Variants in RBFOX3 observed in about 807,000 individuals in gnomAD.
The protein encoded by RBFOX3 is RNA binding protein fox-1 homolog 3.
In RBFOX3, 17 loss-of-function variants were observed where a neutral mutation model predicts 48.7. That is an observed-to-expected ratio of 0.35 (90% CI 0.24 to 0.52). The LOEUF is 0.52. Ranked by LOEUF, RBFOX3 falls within the 20% of genes least tolerant of loss-of-function variation. RBFOX3 has a pLI of 0.94. For missense variants in RBFOX3, 382 were observed against 497.5 expected (o/e 0.77, Z 2.21); for synonymous variants, 212 against 209.5 (o/e 1.01, Z -0.10).
At chr17:79,279,322 C>T (rs930771372) in intron 3 of RBFOX3, among the ~76,000 whole-genome samples, 4 of 152,142 alleles carry the variant, frequency 2.6e-5, no homozygotes, top group African/African-American at 9.7e-5. Context: ...CTGACAGGGT[C>T]CCACAGCACC....
chr17:79,620,615 A>G, the RBFOX3 span, among the ~76,000 whole-genome samples: 2 of 129,880 alleles, frequency 1.5e-5, no homozygotes, highest in African/African-American at 3.0e-5. Flanking sequence ...ACACATGCAC[A>G]CACGCACATG....
At chr17:79,232,464 C>A (rs914789913) in intron 4 of RBFOX3, among the ~76,000 whole-genome samples, 2 of 152,118 alleles carry the variant, frequency 1.3e-5, no homozygotes, top group Non-Finnish European at 2.9e-5. Context: ...GAATATCAAA[C>A]CCAGACATAG....
intron 4 of RBFOX3, among the ~76,000 whole-genome samples, chr17:79,163,291 G>A (rs1446017183): frequency 1.3e-5 from 2 of 152,240 alleles, no homozygotes; most frequent in African/African-American, 4.8e-5. Flanking sequence ...CCTGGGGAAA[G>A]CCGCAGGCCC....
intron 2 of RBFOX3, among the ~76,000 whole-genome samples, chr17:79,346,030 C>T (rs1430119287): frequency 6.6e-6 from 1 of 152,124 alleles, no homozygotes; most frequent in Non-Finnish European, 1.5e-5. Context: ...AAGCAATTCT[C>T]CTGCCTTAGC....
At chr17:79,248,805 G>T (rs1188923749) in intron 3 of RBFOX3, among the ~76,000 whole-genome samples, 1 of 152,212 alleles carries the variant, frequency 6.6e-6, no homozygotes, top group East Asian at 1.9e-4. Flanking sequence ...GGCAGGGAGT[G>T]TTGGGTGTTG....
rs182152657 is a variant in RBFOX3, at chr17:79,188,622, C to T, written c.-34+47144G>A. On this transcript the variant is annotated intron_variant, in intron 4 of 14. Coordinates refer to ENST00000693108, the MANE Select transcript of RBFOX3 (RefSeq NM_001350451.2). ...CCTCTCCCCTCGGGGGCCCAGGAGC[C>T]GGAGGAATGCGCTCAGAGAAGGGGC... Among the ~76,000 whole-genome samples the T allele has an allele frequency of 6.4e-4, 97 of 152,314 alleles. No homozygotes were observed. In the East Asian group the frequency reaches 8.9e-3, roughly 14 times the overall value.
chr17:79,657,674 G>A, the RBFOX3 span, among the ~76,000 whole-genome samples: 1 of 152,142 alleles, frequency 6.6e-6, no homozygotes. Flanking sequence ...GCAAGACTCT[G>A]TCTCAAAAAT....
At chr17:79,653,918 T>TA in the RBFOX3 span, among the ~76,000 whole-genome samples, 33,405 of 149,712 alleles carry the variant, frequency 0.22, 4,363 homozygotes, top group East Asian at 0.4. Flanking sequence ...TTCAGCTTTT[T>TA]AAAAACTCAT....
At chr17:79,447,954 C>T (rs1416336674) in intron 2 of RBFOX3, among the ~76,000 whole-genome samples, 1 of 152,120 alleles carries the variant, frequency 6.6e-6, no homozygotes, top group Admixed American at 6.5e-5. Context: ...TTACACAAGA[C>T]CCAGTTCGTT....
intron 1 of RBFOX3, among the ~76,000 whole-genome samples, chr17:79,532,018 T>C (rs2087861770): frequency 6.6e-6 from 1 of 152,206 alleles, no homozygotes; most frequent in South Asian, 2.1e-4. Flanking sequence ...CAGATTCTGC[T>C]GTGCATGTTG....
intron 4 of RBFOX3, among the ~76,000 whole-genome samples, chr17:79,120,309 T>TATGTATGC (rs979981914): frequency 8.5e-5 from 13 of 152,122 alleles, no homozygotes; most frequent in Admixed American, 2.0e-4. Context: ...CGTATGTACG[T>TATGTATGC]ATGTATGCAT....
intron 2 of RBFOX3, among the ~76,000 whole-genome samples, chr17:79,430,155 C>T (rs917378712): frequency 1.3e-4 from 20 of 152,124 alleles, no homozygotes; most frequent in Non-Finnish European, 1.8e-4. Flanking sequence ...GCTTTGAAGA[C>T]GACTTCAGAG....
chr17:79,409,455 T>A (rs908949512), intron 2 of RBFOX3, among the ~76,000 whole-genome samples: 10 of 152,376 alleles, frequency 6.6e-5, no homozygotes, highest in African/African-American at 2.4e-4. Context: ...CTATTTTACA[T>A]CCAACAATGC....
At chr17:79,468,860 T>C (rs1285161525) in intron 2 of RBFOX3, among the ~76,000 whole-genome samples, 1 of 139,310 alleles carries the variant, frequency 7.2e-6, no homozygotes, top group African/African-American at 2.8e-5. Flanking sequence ...AGACAGCAGA[T>C]AGGCAGGCAG....
At chr17:79,636,396 C>A in the RBFOX3 span, among the ~76,000 whole-genome samples, 1 of 151,972 alleles carries the variant, frequency 6.6e-6, no homozygotes, top group South Asian at 2.1e-4. Context: ...AAAGGTCAAC[C>A]AGGGAGACTT....
intron 4 of RBFOX3, among the ~76,000 whole-genome samples, chr17:79,172,570 C>T (rs995622479): frequency 6.6e-6 from 1 of 152,148 alleles, no homozygotes; most frequent in African/African-American, 2.4e-5. Flanking sequence ...CTTGGGGAGC[C>T]GGAGGGTCTG....
intron 2 of RBFOX3, among the ~76,000 whole-genome samples, chr17:79,341,518 G>A (rs1011426992): frequency 2.6e-5 from 4 of 152,168 alleles, no homozygotes; most frequent in Admixed American, 1.3e-4. Flanking sequence ...GCACAGTGGC[G>A]GGTGTTGGAA....
chr17:79,562,728 G>A (rs1286893561), intron 1 of RBFOX3, among the ~76,000 whole-genome samples: 5 of 152,182 alleles, frequency 3.3e-5, no homozygotes, highest in South Asian at 2.1e-4. Context: ...CTGGAGATAA[G>A]GGAATCGGGG....
intron 14 of RBFOX3, among the ~76,000 whole-genome samples, chr17:79,091,790 G>A (rs1289300130): frequency 6.6e-6 from 1 of 152,224 alleles, no homozygotes; most frequent in African/African-American, 2.4e-5. Context: ...GCCTGGCCTT[G>A]GCCCTGCGGT....
Sources: allele counts gnomAD v4.1 joint callset (sites outside exome capture counted in the v4.1 genomes callset), GRCh38; gene constraint gnomAD v4.1.1; transcripts MANE v1.5; gene names NCBI Gene and HGNC (gene_info 2026-07-23, HGNC 2026-07-21).